MMP26: variants seen among roughly 807,000 people sequenced by gnomAD.
MMP26 encodes matrix metalloproteinase-26.
MMP26 carries 33 observed loss-of-function variants against 31.0 expected under a neutral mutation model. That is an observed-to-expected ratio of 1.06 (90% CI 0.81 to 1.42). The LOEUF (loss-of-function observed/expected upper bound fraction) is 1.42. Among genes scored for constraint, MMP26 ranks in the 40% most tolerant of loss-of-function variants. The probability of loss-of-function intolerance (pLI) is 0.00; values close to 1 mark genes in which losing one functional copy is unlikely to be tolerated. For missense variants in MMP26, 347 were observed against 316.1 expected (o/e 1.10, Z -0.74); for synonymous variants, 122 against 114.9 (o/e 1.06, Z -0.40).
chr11:4,807,714 A>G lies in MMP26; in HGVS notation c.-145+40373A>G, dbSNP rs575951675. Among the ~76,000 whole-genome samples, 3 of 152,300 alleles carry G rather than the reference A, an allele frequency of 2.0e-5. No individual in the cohort carries two copies. In the East Asian group the frequency reaches 5.8e-4, roughly 29 times the overall value. ...GCAAACCAACGTGGCACATGTATAC[A>G]TATGTAACAAACCTGCACATTGTGC... On this transcript the variant is annotated intron_variant, in intron 2 of 7. Coordinates refer to ENST00000380390, the MANE Select transcript of MMP26 (RefSeq NM_021801.5).
At chr11:4,794,229 CAA>C (rs1849072164) in intron 2 of MMP26, 1 of 152,154 alleles carries the variant, frequency 6.6e-6, no homozygotes, top group Admixed American at 6.5e-5. Context: ...GAACATGAAG[CAA>C]AAGGGCTCAT....
Position 4,923,633 on chromosome 11 carries a change from C to T in MMP26, c.-144-64435C>T, listed in dbSNP as rs111973171. ...GACACAGGTGTTGAGGGCTCGGAGT[C>T]GCTCCTGGTGGGAGGCAATGCTGAG... On this transcript the variant is annotated intron_variant, in intron 2 of 7. Coordinates refer to ENST00000380390, the MANE Select transcript of MMP26 (RefSeq NM_021801.5). 8.7e-5 allele frequency: 141 copies of T among 1,613,844 alleles called. 2 individuals are homozygous for T. In the African/African-American group the frequency reaches 1.4e-3, roughly 16 times the overall value.
intron 2 of MMP26, among the ~76,000 whole-genome samples, chr11:4,775,663 G>C (rs1225549848): frequency 1.3e-5 from 2 of 152,012 alleles, no homozygotes; most frequent in Non-Finnish European, 2.9e-5. Context: ...CTTCTGGTGA[G>C]GGCCTCATGT....
chr11:4,868,144 A>G (rs1478366416), intron 2 of MMP26, among the ~76,000 whole-genome samples: 2 of 152,156 alleles, frequency 1.3e-5, no homozygotes, highest in African/African-American at 2.4e-5. Context: ...TCCCAGAAAC[A>G]AAAGAAAACA....
intron 1 of MMP26, among the ~76,000 whole-genome samples, chr11:4,755,697 A>G (rs7940199): frequency 0.067 from 10,241 of 152,060 alleles, 640 homozygotes; most frequent in African/African-American, 0.17. Flanking sequence ...GTGTTGGTTG[A>G]ATGTTATCTG....
At chr11:4,713,714 A>G (rs1847890781) in intron 1 of MMP26, among the ~76,000 whole-genome samples, 1 of 152,114 alleles carries the variant, frequency 6.6e-6, no homozygotes, top group Admixed American at 6.6e-5. Flanking sequence ...CTAAAAATAT[A>G]TAAAATTCAC....
chr11:4,970,861 C>T (rs2133630736), intron 2 of MMP26, among the ~76,000 whole-genome samples: 1 of 152,218 alleles, frequency 6.6e-6, no homozygotes, highest in African/African-American at 2.4e-5. Context: ...ATTCTCAGGC[C>T]CCGCAGGGGC....
At chr11:4,921,178 C>T (rs1437427669) in intron 2 of MMP26, among the ~76,000 whole-genome samples, 1 of 152,128 alleles carries the variant, frequency 6.6e-6, no homozygotes, top group African/African-American at 2.4e-5. Flanking sequence ...GGATGAAGTA[C>T]CTATCTTATT....
At chr11:4,866,878 C>T (rs1263671761) in intron 2 of MMP26, among the ~76,000 whole-genome samples, 1 of 152,056 alleles carries the variant, frequency 6.6e-6, no homozygotes, top group Non-Finnish European at 1.5e-5. Flanking sequence ...ACTGGCAGGC[C>T]ATAGGCAGAA....
At chr11:4,847,053 C>A (rs1849880871) in intron 2 of MMP26, among the ~76,000 whole-genome samples, 1 of 152,156 alleles carries the variant, frequency 6.6e-6, no homozygotes, top group Admixed American at 6.6e-5. Flanking sequence ...CTTCTGGAAA[C>A]CAGATTCAAG....
chr11:4,924,333 T>G (rs568239572), intron 2 of MMP26: 1 of 1,598,626 alleles, frequency 6.3e-7, no homozygotes, highest in East Asian at 2.2e-5. Context: ...TTAAGAAGAA[T>G]TGTCATAGCT....
At chr11:4,860,333 A>G (rs1272754724) in intron 2 of MMP26, 3 of 471,234 alleles carry the variant, frequency 6.4e-6, no homozygotes, top group Non-Finnish European at 1.3e-5. Context: ...GGCAAGGTGG[A>G]CATGGAGAGA....
chr11:4,990,946 C>A (rs142516262), intron 5 of MMP26, among the ~76,000 whole-genome samples, 200 bp downstream of exon 5: 1 of 152,290 alleles, frequency 6.6e-6, no homozygotes, highest in Non-Finnish European at 1.5e-5. Context: ...GAGGTGTTGG[C>A]TGCAGTGTGA....
At chr11:4,755,466 G>C (rs11033721) in intron 1 of MMP26, among the ~76,000 whole-genome samples, 10,101 of 151,996 alleles carry the variant, frequency 0.066, 623 homozygotes, top group African/African-American at 0.16. Flanking sequence ...TTTATAGGAT[G>C]CTTAACTATA....
At chr11:4,926,049 G>C (rs1422007906) in intron 2 of MMP26, among the ~76,000 whole-genome samples, 2 of 152,122 alleles carry the variant, frequency 1.3e-5, no homozygotes, top group Non-Finnish European at 2.9e-5. Flanking sequence ...CTTTCAAAAA[G>C]CTTCTGTTTC....
intron 1 of MMP26, among the ~76,000 whole-genome samples, chr11:4,755,778 C>G (rs1589891530): frequency 1.3e-5 from 2 of 151,782 alleles, no homozygotes. Context: ...GGATAGCAAC[C>G]ATGAGCAAGC....
chr11:4,753,710 G>T (rs1333813201), intron 1 of MMP26, among the ~76,000 whole-genome samples: 1 of 151,968 alleles, frequency 6.6e-6, no homozygotes, highest in Non-Finnish European at 1.5e-5. Context: ...TAGCAAGCAG[G>T]AAAACATCTC....
chr11:4,977,621 G>A (rs978315294), intron 2 of MMP26, among the ~76,000 whole-genome samples: 11 of 152,050 alleles, frequency 7.2e-5, no homozygotes, highest in East Asian at 1.9e-4. Context: ...CAGTTCAACC[G>A]TTGCACACTT....
At chr11:4,895,420 C>T (rs1016782631) in intron 2 of MMP26, among the ~76,000 whole-genome samples, 5 of 152,170 alleles carry the variant, frequency 3.3e-5, no homozygotes, top group African/African-American at 9.7e-5. Context: ...GGACTGACTT[C>T]CGACCCTGTG....
Sources: gnomAD v4.1 joint callset for allele counts (sites outside exome capture counted in the v4.1 genomes callset) on GRCh38, gnomAD v4.1.1 for gene constraint, MANE v1.5 for transcripts, NCBI Gene and HGNC (gene_info 2026-07-23, HGNC 2026-07-21) for gene names.